The following KSR2 variants were observed in gnomAD, a reference collection of about 807,000 sequenced individuals.
The protein encoded by KSR2 is kinase suppressor of ras 2.
In KSR2, 25 loss-of-function variants were observed where a neutral mutation model predicts 107.8. The observed-to-expected ratio is 0.23, with a 90% CI of 0.17 to 0.32. KSR2 has a LOEUF of 0.32. Ranked by LOEUF, KSR2 falls within the 10% of genes least tolerant of loss-of-function variation. The probability of loss-of-function intolerance (pLI) is 1.00; values close to 1 mark genes in which losing one functional copy is unlikely to be tolerated. For synonymous variants in KSR2, 480 were observed against 507.0 expected (o/e 0.95, Z 0.71); for missense variants, 887 against 1,268.9 (o/e 0.70, Z 4.57).
At chr12:117,805,431 T>C (rs1479423469) in intron 3 of KSR2, among the ~76,000 whole-genome samples, 2 of 152,218 alleles carry the variant, frequency 1.3e-5, no homozygotes, top group Non-Finnish European at 2.9e-5. Flanking sequence ...TGCCTGCCTC[T>C]GAGCCTCAGT....
intron 4 of KSR2, among the ~76,000 whole-genome samples, chr12:117,727,329 T>C (rs1372133558): frequency 6.6e-6 from 1 of 151,026 alleles, no homozygotes. Flanking sequence ...GAGACGTGAG[T>C]GCACCACTAC....
chr12:117,526,689 C>A (rs986260483), intron 13 of KSR2, among the ~76,000 whole-genome samples: 8 of 152,142 alleles, frequency 5.3e-5, no homozygotes, highest in Non-Finnish European at 8.8e-5. Flanking sequence ...TGGGAAGAAG[C>A]CCCAGAGCAT....
chr12:117,847,392 G>A (rs1454612286), intron 3 of KSR2, among the ~76,000 whole-genome samples: 1 of 152,208 alleles, frequency 6.6e-6, no homozygotes, highest in Non-Finnish European at 1.5e-5. Flanking sequence ...CTGACTGCCA[G>A]TTCTCCCCCT....
intron 14 of KSR2, among the ~76,000 whole-genome samples, chr12:117,508,611 G>A (rs1267281232): frequency 6.6e-6 from 1 of 152,072 alleles, no homozygotes; most frequent in Non-Finnish European, 1.5e-5. Context: ...GAATGGATGG[G>A]TGGATGGCTA....
chr12:117,860,450 G>GGACA lies in KSR2; in HGVS notation c.181-23_181-20dup. On this transcript the variant is annotated intron_variant, in intron 1 of 19. Transcript: ENST00000339824. ...GCTTGCTCTGTGGAGACACAGACGA[G>GGACA]GACAGAGGACACATCTCAGAGGCAG... is the stretch of plus-strand genomic sequence containing the variant. 6.3e-7 allele frequency: 1 copy of GGACA among 1,587,328 alleles called. No homozygotes were observed. Among genetic ancestry groups the GGACA allele is most frequent in the Non-Finnish European group, 8.6e-7 (1 of 1,164,836 alleles).
chr12:117,631,810 G>A (rs1398062348), intron 5 of KSR2, among the ~76,000 whole-genome samples: 1 of 152,158 alleles, frequency 6.6e-6, no homozygotes, highest in Non-Finnish European at 1.5e-5. Context: ...TAAACCAAAA[G>A]CAGTATGCAA....
intron 3 of KSR2, among the ~76,000 whole-genome samples, chr12:117,843,823 C>G (rs185361221): frequency 1.3e-5 from 2 of 152,288 alleles, no homozygotes; most frequent in South Asian, 4.2e-4. Flanking sequence ...TCTTCATGGT[C>G]CCTTCCAACA....
intron 14 of KSR2, chr12:117,517,980 A>G (rs1874487411): frequency 2.5e-6 from 1 of 406,670 alleles, no homozygotes; most frequent in Admixed American, 3.2e-5. Flanking sequence ...GCTTGGTGCT[A>G]TTATATTTGA....
intron 1 of KSR2, among the ~76,000 whole-genome samples, chr12:117,860,648 AGGC>A (rs1460645929): frequency 1.3e-5 from 2 of 152,158 alleles, no homozygotes; most frequent in Admixed American, 1.3e-4. Flanking sequence ...GGGTTGGGGG[AGGC>A]GGCGCACATT....
chr12:117,857,234 T>C (rs577121281), intron 2 of KSR2, among the ~76,000 whole-genome samples: 1 of 151,998 alleles, frequency 6.6e-6, no homozygotes, highest in African/African-American at 2.4e-5. Flanking sequence ...AATTTTTAAA[T>C]TTTTTTGTAG....
chr12:117,895,238 G>A (rs56921492), intron 1 of KSR2, among the ~76,000 whole-genome samples: 59,803 of 151,714 alleles, frequency 0.39, 14,437 homozygotes, highest in East Asian at 0.87. Flanking sequence ...CTGTCTCTAA[G>A]TATCTATATA....
chr12:117,926,146 G>A (rs1291962182), intron 1 of KSR2, among the ~76,000 whole-genome samples: 3 of 152,142 alleles, frequency 2.0e-5, no homozygotes, highest in Admixed American at 6.6e-5. Flanking sequence ...GCACTGAGCC[G>A]AGTTCACGCC....
chr12:117,517,739 A>T, intron 14 of KSR2: 1 of 432,000 alleles, frequency 2.3e-6, no homozygotes, highest in South Asian at 1.7e-5. Context: ...AGGGAAAGCG[A>T]TTCAGCTTTT....
chr12:117,710,412 C>T (rs1346539879), intron 4 of KSR2, among the ~76,000 whole-genome samples: 4 of 152,170 alleles, frequency 2.6e-5, no homozygotes, highest in Admixed American at 6.5e-5. Flanking sequence ...TGTATTAGGG[C>T]TGGGCAGAAA....
At chr12:117,697,617 G>A (rs1188074643) in intron 4 of KSR2, among the ~76,000 whole-genome samples, 1 of 151,768 alleles carries the variant, frequency 6.6e-6, no homozygotes, top group Non-Finnish European at 1.5e-5. Context: ...GCACATGCCT[G>A]TAATCCCAGA....
At chr12:117,498,792 G>T (rs1023042040) in intron 14 of KSR2, among the ~76,000 whole-genome samples, 7 of 152,242 alleles carry the variant, frequency 4.6e-5, no homozygotes, top group African/African-American at 1.4e-4. Flanking sequence ...GTTTCCCTGC[G>T]CAAGTTTTCT....
intron 3 of KSR2, among the ~76,000 whole-genome samples, chr12:117,763,766 A>T (rs970334200): frequency 6.6e-6 from 1 of 152,182 alleles, no homozygotes; most frequent in African/African-American, 2.4e-5. Flanking sequence ...AAGATCACTC[A>T]GGCTGCTGCG....
At chr12:117,745,043 A>G (rs1256269139) in intron 4 of KSR2, among the ~76,000 whole-genome samples, 4 of 152,214 alleles carry the variant, frequency 2.6e-5, no homozygotes, top group African/African-American at 9.6e-5. Context: ...ATAGATGAGG[A>G]AACCAAGGCT....
At chr12:117,632,572 G>T (rs1432637225) in intron 5 of KSR2, among the ~76,000 whole-genome samples, 1 of 152,056 alleles carries the variant, frequency 6.6e-6, no homozygotes, top group East Asian at 1.9e-4. Flanking sequence ...GGGTACATGT[G>T]CAGGTTTGTT....
Sources: allele counts gnomAD v4.1 joint callset (sites outside exome capture counted in the v4.1 genomes callset), GRCh38; gene constraint gnomAD v4.1.1; transcripts MANE v1.5; gene names NCBI Gene and HGNC (gene_info 2026-07-23, HGNC 2026-07-21).